Variants in SPTLC2 observed in about 807,000 individuals in gnomAD.
The protein encoded by SPTLC2 is serine palmitoyltransferase 2.
In SPTLC2, 21 loss-of-function variants were observed where a neutral mutation model predicts 62.0. The ratio of observed to expected loss-of-function variants is 0.34; its 90% CI spans 0.24 to 0.49. The LOEUF (loss-of-function observed/expected upper bound fraction) is 0.49, where lower values mean the gene tolerates loss of function less well. SPTLC2 is among the 20% of genes least tolerant of loss of function. The probability of loss-of-function intolerance (pLI) is 0.99; values close to 1 mark genes in which losing one functional copy is unlikely to be tolerated. For missense variants in SPTLC2, 511 were observed against 713.0 expected (o/e 0.72, Z 3.23); for synonymous variants, 261 against 261.8 (o/e 1.00, Z 0.03).
chr14:77,517,942 C>A, intron 11 of SPTLC2, 96 bp downstream of exon 11: 1 of 1,592,474 alleles, frequency 6.3e-7, no homozygotes, highest in Non-Finnish European at 8.6e-7. Context: ...TAGGTGCTCA[C>A]AAGAACATCA....
chr14:77,592,770 T>C (rs180900735), intron 2 of SPTLC2, among the ~76,000 whole-genome samples: 1 of 152,226 alleles, frequency 6.6e-6, no homozygotes, highest in Non-Finnish European at 1.5e-5. Context: ...ACAAGTGTCA[T>C]TTTCCTCTTT....
chr14:77,551,475 C>T (rs576548186), intron 9 of SPTLC2, among the ~76,000 whole-genome samples: 43 of 150,028 alleles, frequency 2.9e-4, no homozygotes, highest in African/African-American at 8.3e-4. Flanking sequence ...TAAAGACAGA[C>T]ACCCAGTTGC....
chr14:77,593,051 C>T (rs11851805), intron 2 of SPTLC2, among the ~76,000 whole-genome samples: 4,346 of 150,680 alleles, frequency 0.029, 212 homozygotes, highest in African/African-American at 0.1. Context: ...TGCAGTGAGC[C>T]GAGATCACGC....
intron 2 of SPTLC2, among the ~76,000 whole-genome samples, chr14:77,595,352 G>C (rs1006596424): frequency 6.6e-6 from 1 of 152,086 alleles, no homozygotes. Context: ...GTGACTGAGC[G>C]AGACTCTTGT....
At chr14:77,547,992 A>G (rs1339710726) in intron 9 of SPTLC2, 3 of 150,314 alleles carry the variant, frequency 2.0e-5, no homozygotes, top group Admixed American at 1.3e-4. Context: ...TACTGGAATT[A>G]ATTCAAATGA....
At chr14:77,515,542 C>CTTTTTTTT (rs71128633) in intron 11 of SPTLC2, among the ~76,000 whole-genome samples, 5 of 124,716 alleles carry the variant, frequency 4.0e-5, no homozygotes, top group African/African-American at 1.1e-4. Context: ...AAGGGAAAGG[C>CTTTTTTTT]TTTTTTTTTT....
intron 11 of SPTLC2, among the ~76,000 whole-genome samples, chr14:77,515,542 C>CTTTTTTTTTTTTTTTTTTTTTTTTTTTTT (rs71128633): frequency 8.0e-6 from 1 of 124,716 alleles, no homozygotes; most frequent in Non-Finnish European, 1.6e-5. Flanking sequence ...AAGGGAAAGG[C>CTTTTTTTTTTTTTTTTTTTTTTTTTTTTT]TTTTTTTTTT....
intron 2 of SPTLC2, among the ~76,000 whole-genome samples, chr14:77,594,863 A>C (rs2079838204): frequency 6.6e-6 from 1 of 152,178 alleles, no homozygotes; most frequent in Non-Finnish European, 1.5e-5. Context: ...TTTTAGTTTG[A>C]ATATTTAAAT....
intron 9 of SPTLC2, among the ~76,000 whole-genome samples, chr14:77,530,713 G>A (rs2140000811): frequency 6.6e-6 from 1 of 152,246 alleles, no homozygotes; most frequent in Non-Finnish European, 1.5e-5. Flanking sequence ...AAACTAAACT[G>A]ATGCCCAGTG....
At chr14:77,571,784 G>A (rs575942977) in intron 4 of SPTLC2, among the ~76,000 whole-genome samples, 4 of 152,134 alleles carry the variant, frequency 2.6e-5, no homozygotes, top group East Asian at 3.9e-4. Context: ...GAGATAATAC[G>A]TTTGAGCTTT....
In SPTLC2 at chr14:77,542,063, G is replaced by GGAA. The variant is rs572871955; in HGVS notation, c.1303+10032_1303+10033insTTC. ...CAGAGTGAGACAGACTCTGTGTCCG[G>GGAA]AAAAAAAAAAAAAAACCAAGAAAAA... On this transcript the variant is annotated intron_variant, in intron 9 of 11. Coordinates refer to ENST00000216484, the MANE Select transcript of SPTLC2 (RefSeq NM_004863.4). Among the ~76,000 whole-genome samples the GGAA allele has an allele frequency of 7.1e-3, 850 of 120,442 alleles. 13 individuals carry two copies. Among genetic ancestry groups the GGAA allele is most frequent in the African/African-American group, 0.024 (809 of 33,340 alleles). 79.0% of individuals were successfully genotyped at this position (120,442 alleles called of 152,430 possible).
rs1266283101 is a variant in SPTLC2 at position 77,557,145 on chromosome 14, A to G, written c.852T>C (p.Asn284=). 6.2e-7 allele frequency: 1 copy of G among 1,612,542 alleles called. No homozygotes were observed. The highest frequency in any genetic ancestry group is 1.3e-5 in the African/African-American group (1 of 75,042). The part of the protein sequence containing the change: ...GATIRIFKHN[N]MQSLEKLLKD... ...TCAATAGCTTCTCTAGGCTTTGCAT[A>G]TCTACAGAGCACAAAAAAGAACAGT... is the stretch of plus-strand genomic sequence containing the variant. The change falls in exon 7 of 12, where the codon AAT becomes AAC. Residue 284 remains asparagine, a splice_region_variant and synonymous_variant. Coordinates refer to ENST00000216484, the MANE Select transcript of SPTLC2 (RefSeq NM_004863.4).
Position 77,578,983 on chromosome 14 carries a change from G to C in SPTLC2, c.454C>G (p.Gln152Glu). 2.5e-6 allele frequency: 4 copies of C among 1,614,056 alleles called. No individual in the cohort carries two copies. The highest frequency in any genetic ancestry group is 3.4e-6 in the Non-Finnish European group (4 of 1,179,994). The change falls in exon 3 of 12, where the codon CAG becomes GAG. Residue 152 changes from glutamine (Q) to glutamate (E), a missense_variant. Coordinates refer to ENST00000216484, the MANE Select transcript of SPTLC2 (RefSeq NM_004863.4). ...AAGGACCAGTTATAATCATGAGACT[G>C]TCTCTCCATGATGTCCACCCTGGCT... The part of the protein sequence containing the change: ...PGARVDIMER[Q>E]SHDYNWSFKY...
Position 77,518,174 on chromosome 14 carries a change from AG to A in SPTLC2, c.1440-8del. The A allele has an allele frequency of 6.2e-7, 1 of 1,614,108 alleles. No individual in the cohort carries two copies. Among genetic ancestry groups the A allele is most frequent in the Non-Finnish European group, 8.5e-7 (1 of 1,179,994 alleles). On this transcript the variant is annotated splice_region_variant and splice_polypyrimidine_tract_variant and intron_variant, in intron 10 of 11. Transcript: ENST00000216484. ...CATCTCCCGTCCAAAGGCGCTGCAA[AG>A]GGGAAAACAAGAACAGAAACCAGGA... is the stretch of plus-strand genomic sequence containing the variant.
intron 2 of SPTLC2, among the ~76,000 whole-genome samples, chr14:77,594,781 C>G (rs1174256749): frequency 6.6e-6 from 1 of 152,208 alleles, no homozygotes; most frequent in Non-Finnish European, 1.5e-5. Context: ...TCCCTCACCA[C>G]CAGCAATACA....
chr14:77,596,419 T>C (rs1595012772), intron 2 of SPTLC2, among the ~76,000 whole-genome samples: 1 of 151,446 alleles, frequency 6.6e-6, no homozygotes, highest in East Asian at 1.9e-4. Flanking sequence ...AGAAGAATGG[T>C]GTGAACCCAG....
chr14:77,555,324 A>G lies in SPTLC2; in HGVS notation c.1152T>C (p.Ser384=), dbSNP rs748828910. 1.9e-6 allele frequency: 3 copies of G among 1,614,010 alleles called. No individual in the cohort carries two copies. Among genetic ancestry groups the G allele is most frequent in the Non-Finnish European group, 2.5e-6 (3 of 1,180,034 alleles). ...MGTFTKSFGA[S]GGYIGGKKEL... ...CCTTCTTGCCTCCAATATATCCTCCAGAAGCACCAAAACTCTTTGTGAACG... is the reference window on the plus strand; with the variant it reads ...CCTTCTTGCCTCCAATATATCCTCCGGAAGCACCAAAACTCTTTGTGAACG... The change falls in exon 8 of 12, where the codon TCT becomes TCC. Residue 384 remains serine (S), a synonymous_variant. Transcript: ENST00000216484.
rs567339680 is a variant in SPTLC2 at position 77,508,757 on chromosome 14, A to T, written c.*3527T>A. 1.4e-4 allele frequency: 21 copies of T among 152,110 alleles called. No homozygotes were observed. The highest frequency in any genetic ancestry group is 2.6e-4 in the Non-Finnish European group (18 of 68,026). The allele number at this position is 152,110 out of a possible 1,614,324, so 9.4% of individuals were successfully genotyped here. A position where few individuals can be genotyped will look rare whatever the true frequency, so the allele number is the denominator to read the frequency against. On this transcript the variant is annotated 3_prime_UTR_variant, in exon 12 of 12. Coordinates refer to ENST00000216484, the MANE Select transcript of SPTLC2 (RefSeq NM_004863.4). Reference sequence around the variant, plus strand: ...AGGTAATGAAGAAATTTGAAAAAAAATTTTTTTTAAAAGCCAAAGGAGCTA... The same window carrying T: ...AGGTAATGAAGAAATTTGAAAAAAATTTTTTTTTAAAAGCCAAAGGAGCTA...
intron 9 of SPTLC2, among the ~76,000 whole-genome samples, chr14:77,528,921 T>C (rs1438727244): frequency 1.3e-5 from 2 of 152,082 alleles, no homozygotes; most frequent in Admixed American, 6.6e-5. Flanking sequence ...TTGCAACCTC[T>C]GCCTCCCAGG....
Sources: allele counts gnomAD v4.1 joint callset (sites outside exome capture counted in the v4.1 genomes callset), GRCh38; gene constraint gnomAD v4.1.1; transcripts MANE v1.5; gene names NCBI Gene and HGNC (gene_info 2026-07-23, HGNC 2026-07-21).